The following NCALD variants were observed in gnomAD, a reference collection of about 807,000 sequenced individuals.
NCALD encodes the protein neurocalcin delta.
In NCALD, 10 loss-of-function variants were observed where a neutral mutation model predicts 18.6. The ratio of observed to expected loss-of-function variants is 0.54; its 90% CI spans 0.33 to 0.91. NCALD has a LOEUF of 0.91. Ranked by LOEUF, NCALD falls within the 40% of genes least tolerant of loss-of-function variation. The pLI is 0.03. For missense variants in NCALD, 184 were observed against 247.6 expected, an observed-to-expected ratio of 0.74 and a Z score of 1.72; for synonymous variants, 88 against 87.4, an observed-to-expected ratio of 1.01 and a Z score of -0.04.
chr8:101,875,484 C>T (rs1816192408), intron 4 of NCALD, among the ~76,000 whole-genome samples: 2 of 152,194 alleles, frequency 1.3e-5, no homozygotes, highest in South Asian at 4.1e-4. Flanking sequence ...TCCGTGTCCC[C>T]TGGTTACTGG....
intron 1 of NCALD, among the ~76,000 whole-genome samples, chr8:102,065,528 G>C (rs1315117692): frequency 6.6e-6 from 1 of 152,102 alleles, no homozygotes; most frequent in Non-Finnish European, 1.5e-5. Flanking sequence ...CAAAGGTCAG[G>C]GCATTGAGGC....
At chr8:102,087,499 G>T (rs1265961710) in intron 1 of NCALD, among the ~76,000 whole-genome samples, 1 of 152,076 alleles carries the variant, frequency 6.6e-6, no homozygotes, top group Admixed American at 6.5e-5. Flanking sequence ...AGACAGAATG[G>T]GTTAAAGGCC....
chr8:101,910,223 T>C (rs73282612), intron 3 of NCALD, among the ~76,000 whole-genome samples: 7,026 of 152,154 alleles, frequency 0.046, 262 homozygotes, highest in African/African-American at 0.1. Flanking sequence ...GGAAGTTTTG[T>C]TTTGCTGGCC....
intron 4 of NCALD, among the ~76,000 whole-genome samples, chr8:101,845,874 A>G (rs1401023583): frequency 6.6e-6 from 1 of 151,604 alleles, no homozygotes; most frequent in East Asian, 1.9e-4. Context: ...CAGCCATTCC[A>G]CTCTCTACCT....
chr8:101,690,729 C>A (rs948808626), intron 3 of NCALD: 1 of 985,442 alleles, frequency 1.0e-6, no homozygotes, highest in Non-Finnish European at 1.2e-6. Context: ...TAGAGCTGAT[C>A]CCCTCCAAGC....
chr8:102,093,191 A>C (rs1279060632), intron 1 of NCALD, among the ~76,000 whole-genome samples: 1 of 152,022 alleles, frequency 6.6e-6, no homozygotes. Context: ...CATTTGTTGT[A>C]TAACTGAATG....
intron 2 of NCALD, among the ~76,000 whole-genome samples, chr8:102,001,633 C>T (rs1397325006): frequency 4.6e-5 from 7 of 152,164 alleles, no homozygotes; most frequent in Non-Finnish European, 8.8e-5. Context: ...AGAAAAAGGT[C>T]GGGTTACCCA....
At chr8:101,824,346 G>C (rs1813844432) in intron 4 of NCALD, among the ~76,000 whole-genome samples, 1 of 152,092 alleles carries the variant, frequency 6.6e-6, no homozygotes, top group Non-Finnish European at 1.5e-5. Context: ...TATTTTCTCA[G>C]GCTGACAACA....
intron 2 of NCALD, among the ~76,000 whole-genome samples, chr8:101,937,860 G>A (rs1165186601): frequency 6.6e-6 from 1 of 152,140 alleles, no homozygotes; most frequent in Admixed American, 6.5e-5. Flanking sequence ...TAGATTAGTG[G>A]TATGTGATAA....
intron 2 of NCALD, among the ~76,000 whole-genome samples, chr8:101,946,524 T>C (rs559984517): frequency 6.6e-6 from 1 of 152,306 alleles, no homozygotes; most frequent in South Asian, 2.1e-4. Context: ...TTTTATAACA[T>C]GTCAGAACGG....
chr8:102,000,087 A>G (rs1322262623), intron 2 of NCALD, among the ~76,000 whole-genome samples: 1 of 152,212 alleles, frequency 6.6e-6, no homozygotes, highest in African/African-American at 2.4e-5. Context: ...AGGGCGAGGC[A>G]TTGCCTCACC....
At chr8:101,858,372 T>C (rs1310699715) in intron 4 of NCALD, among the ~76,000 whole-genome samples, 1 of 151,874 alleles carries the variant, frequency 6.6e-6, no homozygotes, top group Non-Finnish European at 1.5e-5. Context: ...CCTCTGAAAA[T>C]AAAGGTGAGA....
At chr8:101,730,366 G>A (rs1210085188) in intron 1 of NCALD, among the ~76,000 whole-genome samples, 1 of 150,782 alleles carries the variant, frequency 6.6e-6, no homozygotes, top group Non-Finnish European at 1.5e-5. Context: ...TGTAGTCCCA[G>A]CTACTCGGGA....
At chr8:102,113,436 G>A (rs1825694763) in intron 1 of NCALD, among the ~76,000 whole-genome samples, 1 of 152,182 alleles carries the variant, frequency 6.6e-6, no homozygotes, top group South Asian at 2.1e-4. Context: ...AGAGGCCCTG[G>A]CCCATTGCCT....
rs1267485279 is a variant in NCALD at position 101,893,148 on chromosome 8, G to A, written c.-106-5921C>T. Among the ~76,000 whole-genome samples the A allele has an allele frequency of 6.6e-5, 10 of 151,990 alleles. No individual in the cohort carries two copies. The East Asian group carries it at 1.9e-3, about 29-fold the overall frequency. On this transcript the variant is annotated intron_variant, in intron 3 of 6. Transcript: ENST00000311028. Reference sequence around the variant, plus strand: ...GTTACCCACAAAGGGAAGCCCATCAGACTAACAGCGGATCTCTCAGCAGAA... The same window carrying A: ...GTTACCCACAAAGGGAAGCCCATCAAACTAACAGCGGATCTCTCAGCAGAA...
At chr8:101,754,436 A>C (rs1182956120) in intron 1 of NCALD, among the ~76,000 whole-genome samples, 1 of 152,140 alleles carries the variant, frequency 6.6e-6, no homozygotes, top group East Asian at 1.9e-4. Context: ...TGGGAAGTCC[A>C]AGATGAAGGT....
chr8:101,713,368 T>C (rs1253703049), intron 2 of NCALD, among the ~76,000 whole-genome samples: 1 of 150,952 alleles, frequency 6.6e-6, no homozygotes, highest in Non-Finnish European at 1.5e-5. Context: ...TTAAAAGAAC[T>C]AGAGAAGGAA....
chr8:101,971,228 C>T lies in NCALD; in HGVS notation c.-157+49009G>A, dbSNP rs370890769. 7.2e-5 allele frequency among the ~76,000 whole-genome samples: 11 copies of T among 152,168 alleles called. No homozygotes were observed. The East Asian group carries it at 1.5e-3, about 21-fold the overall frequency. On this transcript the variant is annotated intron_variant, in intron 2 of 6. Coordinates refer to the NCALD transcript ENST00000311028. ...AATGGACTAAGACAGATATGAAGCA[C>T]GAGATGTCAGTGTGTATCGTGGTCT...
intron 4 of NCALD, among the ~76,000 whole-genome samples, chr8:101,877,618 T>G (rs531729504): frequency 1.2e-4 from 18 of 152,300 alleles, no homozygotes; most frequent in African/African-American, 4.3e-4. Context: ...AGGAACAGTA[T>G]TGCATAAAAG....
Sources: gnomAD v4.1 joint callset for allele counts (sites outside exome capture counted in the v4.1 genomes callset) on GRCh38, gnomAD v4.1.1 for gene constraint, MANE v1.5 for transcripts, NCBI Gene and HGNC (gene_info 2026-07-23, HGNC 2026-07-21) for gene names.